The following MTAP variants were observed in gnomAD, a reference collection of about 807,000 sequenced individuals.
The protein encoded by MTAP is S-methyl-5'-thioadenosine phosphorylase.
A neutral mutation model predicts 33.6 loss-of-function variants in MTAP; 33 were observed. The ratio of observed to expected loss-of-function variants is 0.98; its 90% CI spans 0.74 to 1.31. MTAP has a LOEUF of 1.31. Among genes scored for constraint, MTAP ranks in the 40% most tolerant of loss-of-function variants. The probability of loss-of-function intolerance (pLI) is 0.00; values close to 1 mark genes in which losing one functional copy is unlikely to be tolerated. For synonymous variants in MTAP, 148 were observed against 125.7 expected (o/e 1.18, Z -1.19); for missense variants, 367 against 360.0 (o/e 1.02, Z -0.16).
At chr9:21,814,171 T>C (rs1824420639) in intron 1 of MTAP, among the ~76,000 whole-genome samples, 1 of 151,824 alleles carries the variant, frequency 6.6e-6, no homozygotes, top group Admixed American at 6.6e-5. Context: ...AAATTGTCCT[T>C]ATTTTCTTGT....
chr9:21,845,694 A>G (rs1825362519), intron 5 of MTAP, among the ~76,000 whole-genome samples: 2 of 152,190 alleles, frequency 1.3e-5, no homozygotes, highest in Admixed American at 1.3e-4. Flanking sequence ...TGCCAAAAGC[A>G]ATCCACAAAT....
chr9:21,855,592 A>G (rs1277107684), intron 6 of MTAP, among the ~76,000 whole-genome samples: 1 of 152,192 alleles, frequency 6.6e-6, no homozygotes, highest in Non-Finnish European at 1.5e-5. Flanking sequence ...GCCAGGCCAT[A>G]CAGACCATGG....
chr9:21,859,104 G>A (rs1825698213), intron 6 of MTAP, 199 bp from the exon 7 acceptor site: 4 of 563,172 alleles, frequency 7.1e-6, no homozygotes, highest in East Asian at 3.4e-5. Context: ...TCCTATCCAC[G>A]AGGACTCTGC....
intron 1 of MTAP, among the ~76,000 whole-genome samples, chr9:21,886,402 G>A (rs1213149076): frequency 6.6e-6 from 1 of 152,076 alleles, no homozygotes; most frequent in African/African-American, 2.4e-5. Flanking sequence ...TCTGTGGGTT[G>A]TCTGTTTACT....
chr9:21,812,962 A>G (rs1402623281), intron 1 of MTAP, among the ~76,000 whole-genome samples: 1 of 152,168 alleles, frequency 6.6e-6, no homozygotes, highest in African/African-American at 2.4e-5. Context: ...GGCCCATCTT[A>G]TGGTCCTGAT....
intron 4 of MTAP, among the ~76,000 whole-genome samples, chr9:21,830,944 A>T (rs1824951386): frequency 6.6e-6 from 1 of 150,990 alleles, no homozygotes. Flanking sequence ...GGTGCACAGG[A>T]TTGGTTTTTA....
At chr9:21,905,445 T>C (rs918603568) in intron 1 of MTAP, among the ~76,000 whole-genome samples, 1 of 151,838 alleles carries the variant, frequency 6.6e-6, no homozygotes, top group Non-Finnish European at 1.5e-5. Context: ...CAGCATAAAT[T>C]GAAAAAAAGT....
At chr9:21,882,097 A>G (rs770316379) in intron 1 of MTAP, among the ~76,000 whole-genome samples, 1 of 152,000 alleles carries the variant, frequency 6.6e-6, no homozygotes, top group African/African-American at 2.4e-5. Context: ...GTAGTACAAA[A>G]TAAAATATTC....
downstream of MTAP, among the ~76,000 whole-genome samples, chr9:21,870,122 G>A (rs547643052): frequency 1.8e-4 from 28 of 152,258 alleles, no homozygotes; most frequent in Non-Finnish European, 3.2e-4. Context: ...AGCTCCTTCA[G>A]ATCTTTGCTC....
chr9:21,914,795 T>C (rs960976091), intron 1 of MTAP, among the ~76,000 whole-genome samples: 1 of 144,958 alleles, frequency 6.9e-6, no homozygotes, highest in South Asian at 2.2e-4. Flanking sequence ...AAAAAAAAAA[T>C]AATAAACAAA....
chr9:21,907,408 A>C (rs1454013749), intron 1 of MTAP, among the ~76,000 whole-genome samples: 4 of 152,192 alleles, frequency 2.6e-5, no homozygotes, highest in African/African-American at 9.6e-5. Flanking sequence ...ACCTACAAAA[A>C]TTAGCTGGGC....
chr9:21,880,276 C>T (rs1007718310), intron 1 of MTAP, among the ~76,000 whole-genome samples: 2 of 152,070 alleles, frequency 1.3e-5, no homozygotes, highest in Admixed American at 6.6e-5. Flanking sequence ...CAAGAAGGCC[C>T]TCACCAGATG....
In MTAP at chr9:21,837,002, C is replaced by T. The variant is rs532349561; in HGVS notation, c.348-906C>T. On this transcript the variant is annotated intron_variant, in intron 4 of 7. Transcript: ENST00000644715. ...TTGACCCATCTCTCCCATGCTGTCC[C>T]CTCCTCCCTGTGTTACTCATCAGTT... Among the ~76,000 whole-genome samples the T allele has an allele frequency of 2.6e-5, 4 of 152,258 alleles. No homozygotes were observed. In the South Asian group the frequency reaches 8.3e-4, roughly 32 times the overall value.
Position 21,879,879 on chromosome 9 carries a change from G to A in MTAP, c.147+25009G>A, listed in dbSNP as rs371191425. Among the ~76,000 whole-genome samples, 23 of 152,182 alleles carry A rather than the reference G, an allele frequency of 1.5e-4. 1 individual carries two copies. Among genetic ancestry groups the A allele is most frequent in the African/African-American group, 5.5e-4 (23 of 41,528 alleles). ...ATAGGCCCCCAATCCCTTCTGGCTT[G>A]TAGGATTTCATCTGAGAGGTCCACT... On this transcript the variant is annotated intron_variant, in intron 1 of 1. Coordinates refer to the MTAP transcript ENST00000577563.
chr9:21,926,989 A>G (rs1264814622), intron 1 of MTAP, among the ~76,000 whole-genome samples: 1 of 152,154 alleles, frequency 6.6e-6, no homozygotes, highest in Non-Finnish European at 1.5e-5. Context: ...ATACTGGCAT[A>G]TGGTGGAATT....
chr9:21,889,731 C>T (rs1054457228), intron 1 of MTAP, among the ~76,000 whole-genome samples: 1 of 152,100 alleles, frequency 6.6e-6, no homozygotes, highest in Non-Finnish European at 1.5e-5. Flanking sequence ...TGCAAAGAGT[C>T]CTGTGATGTG....
chr9:21,813,169 C>T (rs1381443044), intron 1 of MTAP, among the ~76,000 whole-genome samples: 1 of 152,210 alleles, frequency 6.6e-6, no homozygotes, highest in South Asian at 2.1e-4. Context: ...CAGCAGGTGG[C>T]GACATTGGCC....
At chr9:21,905,594 C>T (rs1587287835) in intron 1 of MTAP, among the ~76,000 whole-genome samples, 2 of 151,932 alleles carry the variant, frequency 1.3e-5, no homozygotes, top group East Asian at 3.9e-4. Context: ...CAAAATGTAG[C>T]AAACACTGTG....
At chr9:21,900,041 A>G (rs548864950) in intron 1 of MTAP, among the ~76,000 whole-genome samples, 10 of 152,338 alleles carry the variant, frequency 6.6e-5, no homozygotes, top group Non-Finnish European at 1.3e-4. Flanking sequence ...AGGATGCATT[A>G]AACACTTAAA....
Sources: allele counts gnomAD v4.1 joint callset (sites outside exome capture counted in the v4.1 genomes callset), GRCh38; gene constraint gnomAD v4.1.1; transcripts MANE v1.5; gene names NCBI Gene and HGNC (gene_info 2026-07-23, HGNC 2026-07-21).